ATP13A4: variants seen among roughly 807,000 people sequenced by gnomAD.
The protein encoded by ATP13A4 is probable cation-transporting ATPase 13A4.
ATP13A4 carries 114 observed loss-of-function variants against 142.5 expected under a neutral mutation model. The observed-to-expected ratio is 0.80, with a 90% CI of 0.69 to 0.93. The LOEUF (loss-of-function observed/expected upper bound fraction) is 0.93, where lower values mean the gene tolerates loss of function less well. ATP13A4 is among the 40% of genes least tolerant of loss of function. ATP13A4 has a pLI of 0.00. For missense variants in ATP13A4, 1,392 were observed against 1,454.0 expected (o/e 0.96, Z 0.69); for synonymous variants, 488 against 514.8 (o/e 0.95, Z 0.70).
At chr3:193,536,933 A>C (rs1722619004) in intron 1 of ATP13A4, among the ~76,000 whole-genome samples, 1 of 152,082 alleles carries the variant, frequency 6.6e-6, no homozygotes. Flanking sequence ...AAAAACTATA[A>C]AAGGCTTATG....
chr3:193,448,064 T>C (rs1717056899), intron 18 of ATP13A4, 142 bp downstream of exon 18: 1 of 1,048,156 alleles, frequency 9.5e-7, no homozygotes, highest in Non-Finnish European at 1.4e-6. Flanking sequence ...AAGCAGTAAA[T>C]GTGCCTTTTT....
At chr3:193,458,954 C>G in intron 14 of ATP13A4, 127 bp downstream of exon 14, 1 of 1,316,948 alleles carries the variant, frequency 7.6e-7, no homozygotes, top group Middle Eastern at 1.8e-4. Flanking sequence ...ATTGGTTTGC[C>G]CTTCACTACC....
chr3:193,473,792 A>C (rs1371940774), intron 8 of ATP13A4, among the ~76,000 whole-genome samples: 1 of 152,214 alleles, frequency 6.6e-6, no homozygotes, highest in East Asian at 1.9e-4. Flanking sequence ...GACATTCTAT[A>C]AAATAACCAG....
intron 25 of ATP13A4, among the ~76,000 whole-genome samples, chr3:193,425,465 G>T (rs180874945): frequency 1.6e-3 from 242 of 151,802 alleles, no homozygotes; most frequent in Non-Finnish European, 2.9e-3. Flanking sequence ...TGCCCTAAGG[G>T]TATATCAACA....
intron 2 of ATP13A4, among the ~76,000 whole-genome samples, chr3:193,581,434 G>T (rs1294013702): frequency 2.6e-5 from 4 of 152,186 alleles, no homozygotes; most frequent in Non-Finnish European, 5.9e-5. Context: ...ACATGTCACT[G>T]AACGCAGAGT....
chr3:193,572,390 T>C (rs1296667498), intron 2 of ATP13A4, among the ~76,000 whole-genome samples: 2 of 152,258 alleles, frequency 1.3e-5, no homozygotes, highest in African/African-American at 4.8e-5. Context: ...TTTGTTACAG[T>C]AATTGAGAAC....
intron 1 of ATP13A4, among the ~76,000 whole-genome samples, chr3:193,592,772 C>T (rs912167644): frequency 6.6e-6 from 1 of 152,178 alleles, no homozygotes; most frequent in Non-Finnish European, 1.5e-5. Flanking sequence ...CATGATTGCC[C>T]TAACGATGTG....
At chr3:193,474,218 C>T (rs1487231945) in intron 8 of ATP13A4, among the ~76,000 whole-genome samples, 1 of 145,584 alleles carries the variant, frequency 6.9e-6, no homozygotes. Flanking sequence ...ACTCGGGAGG[C>T]TGAGGCAGGA....
At chr3:193,511,293 C>T (rs1001131194) in intron 2 of ATP13A4, among the ~76,000 whole-genome samples, 2 of 152,308 alleles carry the variant, frequency 1.3e-5, no homozygotes, top group Non-Finnish European at 2.9e-5. Flanking sequence ...GATGATGGAA[C>T]GAAGCTCCCA....
At chr3:193,517,416 G>C (rs962675677) in intron 1 of ATP13A4, among the ~76,000 whole-genome samples, 2 of 152,230 alleles carry the variant, frequency 1.3e-5, no homozygotes, top group African/African-American at 4.8e-5. Flanking sequence ...TGGGACAACA[G>C]GAGTAGGTGG....
intron 2 of ATP13A4, among the ~76,000 whole-genome samples, chr3:193,575,655 T>C (rs1049068593): frequency 2.0e-5 from 3 of 152,226 alleles, no homozygotes; most frequent in African/African-American, 7.2e-5. Flanking sequence ...AGATTAGCAG[T>C]CCCTGGTGCA....
intron 1 of ATP13A4, among the ~76,000 whole-genome samples, chr3:193,551,688 C>G (rs556807688): frequency 1.3e-5 from 2 of 152,332 alleles, no homozygotes; most frequent in African/African-American, 4.8e-5. Flanking sequence ...AAAACTGAGG[C>G]TAGAGCAGGC....
chr3:193,584,980 A>C (rs55654501), intron 1 of ATP13A4, among the ~76,000 whole-genome samples: 1 of 151,918 alleles, frequency 6.6e-6, no homozygotes. Context: ...CTCCATATCT[A>C]TTTTTCCTGG....
intron 2 of ATP13A4, among the ~76,000 whole-genome samples, chr3:193,578,343 C>CTATATCTA (rs199597589): frequency 4.3e-4 from 62 of 143,164 alleles, no homozygotes; most frequent in African/African-American, 1.4e-3. Flanking sequence ...ATATCTATAT[C>CTATATCTA]TATCTATCTA....
At position 193,485,555 on chromosome 3, in the gene ATP13A4, C is replaced by G. The variant is rs147897364; in HGVS notation, c.739-1550G>C. 3.5e-3 allele frequency among the ~76,000 whole-genome samples: 529 copies of G among 152,140 alleles called. 3 individuals carry two copies. Among genetic ancestry groups the G allele is most frequent in the Non-Finnish European group, 3.9e-3 (267 of 67,990 alleles). ...TAAATGCAGAAGCAGTTATGAAAAT[C>G]CAATTGTCGGAAATAAAAAAAGAAA... is the stretch of plus-strand genomic sequence containing the variant. On this transcript the variant is annotated intron_variant, in intron 7 of 29. Coordinates refer to ENST00000342695, the MANE Select transcript of ATP13A4 (RefSeq NM_032279.4).
chr3:193,542,062 T>C (rs939295450), intron 1 of ATP13A4, among the ~76,000 whole-genome samples: 1 of 152,186 alleles, frequency 6.6e-6, no homozygotes, highest in Non-Finnish European at 1.5e-5. Context: ...GGCATGATCC[T>C]ATATCTAGAA....
At chr3:193,454,891 C>T (rs1465529774) in intron 16 of ATP13A4, among the ~76,000 whole-genome samples, 2 of 152,126 alleles carry the variant, frequency 1.3e-5, no homozygotes, top group African/African-American at 4.8e-5. Context: ...AGAGCTTCTG[C>T]ACAGCAAAAG....
intron 23 of ATP13A4, 35 bp from the exon 24 acceptor site, chr3:193,435,779 T>C: frequency 1.9e-6 from 3 of 1,540,850 alleles, no homozygotes; most frequent in Non-Finnish European, 2.7e-6. Context: ...GACATGAAAG[T>C]AATGAAAAGA....
At chr3:193,430,644 C>CA (rs113218328) in intron 25 of ATP13A4, among the ~76,000 whole-genome samples, 4,635 of 151,966 alleles carry the variant, frequency 0.031, 234 homozygotes, top group African/African-American at 0.1. Flanking sequence ...GTATTTTAGG[C>CA]AAAAGGAATA....
Sources: gnomAD v4.1 joint callset for allele counts (sites outside exome capture counted in the v4.1 genomes callset) on GRCh38, gnomAD v4.1.1 for gene constraint, MANE v1.5 for transcripts, NCBI Gene and HGNC (gene_info 2026-07-23, HGNC 2026-07-21) for gene names.